Variants in MYO1B observed in about 807,000 individuals in gnomAD.
The protein encoded by MYO1B is unconventional myosin-Ib.
MYO1B carries 72 observed loss-of-function variants against 159.7 expected under a neutral mutation model. The ratio of observed to expected loss-of-function variants is 0.45; its 90% CI spans 0.37 to 0.55. The LOEUF is 0.55. Among genes scored for constraint, MYO1B ranks in the 20% least tolerant of loss-of-function variants. The probability of loss-of-function intolerance (pLI) is 0.00; values close to 1 mark genes in which losing one functional copy is unlikely to be tolerated. For missense variants in MYO1B, 1,062 were observed against 1,364.8 expected (o/e 0.78, Z 3.50); for synonymous variants, 468 against 473.8 (o/e 0.99, Z 0.16).
At chr2:191,350,969 A>C (rs1371934028) in intron 7 of MYO1B, among the ~76,000 whole-genome samples, 2 of 152,154 alleles carry the variant, frequency 1.3e-5, no homozygotes, top group African/African-American at 2.4e-5. Context: ...CCCACAGCAC[A>C]ACCCTGATGT....
chr2:191,418,482 ATTTTTTTTT>A (rs1159016855), intron 30 of MYO1B, among the ~76,000 whole-genome samples: 1 of 81,044 alleles, frequency 1.2e-5, no homozygotes, highest in Non-Finnish European at 2.2e-5. Context: ...TCTTTAGTGG[ATTTTTTTTT>A]TTTTTTTTTT....
In MYO1B at chr2:191,392,970, A is replaced by G. The variant is rs1438000836; in HGVS notation, c.2077-103A>G. ...TTTTTCAGTTCTTTTTTTCAATGTA[A>G]TTGACTCCAACATGATGGCATTTTG... On this transcript the variant is annotated intron_variant, in intron 19 of 30. Coordinates refer to ENST00000392318, the MANE Select transcript of MYO1B (RefSeq NM_001130158.3). 6.1e-6 allele frequency: 6 copies of G among 990,456 alleles called. No individual in the cohort carries two copies. The Middle Eastern group carries it at 7.1e-4, about 118-fold the overall frequency. 61.4% of individuals were successfully genotyped at this position (990,456 alleles called of 1,614,324 possible). A position where few individuals can be genotyped will look rare whatever the true frequency, so the allele number is the denominator to read the frequency against.
intron 1 of MYO1B, chr2:191,247,808 GCTGGTCT>G: frequency 3.0e-6 from 1 of 328,836 alleles, no homozygotes; most frequent in Non-Finnish European, 4.3e-6. Context: ...ATCCTAAGTG[GCTGGTCT>G]CTGGTCTCTG....
intron 1 of MYO1B, among the ~76,000 whole-genome samples, chr2:191,268,547 A>G (rs1421809726): frequency 2.0e-5 from 3 of 152,132 alleles, no homozygotes; most frequent in Admixed American, 6.5e-5. Flanking sequence ...ACACTGGTTT[A>G]AGTTGGGGGG....
At chr2:191,385,498 G>A (rs142243062) in intron 15 of MYO1B, among the ~76,000 whole-genome samples, 1 of 148,268 alleles carries the variant, frequency 6.7e-6, no homozygotes, top group African/African-American at 2.4e-5. Context: ...ACATGTTATA[G>A]AGGCTGTATT....
intron 2 of MYO1B, among the ~76,000 whole-genome samples, chr2:191,288,444 A>G (rs1688509310): frequency 6.6e-6 from 1 of 152,116 alleles, no homozygotes; most frequent in Non-Finnish European, 1.5e-5. Flanking sequence ...ATAACCCTGG[A>G]GCACTCATTA....
In MYO1B at chr2:191,370,016, T is replaced by C. The variant is rs16833640; in HGVS notation, c.1120-211T>C. Among the ~76,000 whole-genome samples the C allele has an allele frequency of 5.3e-3, 814 of 152,336 alleles. 5 individuals carry two copies. Among genetic ancestry groups the C allele is most frequent in the African/African-American group, 0.019 (786 of 41,578 alleles). On this transcript the variant is annotated intron_variant, in intron 12 of 30. Transcript: ENST00000392318. ...AGGTGATTTTGAAAGGCACCACTAA[T>C]GCCTTCTTTAAATATATCACCTATT...
chr2:191,386,038 C>G lies in MYO1B; in HGVS notation c.1508C>G (p.Thr503Arg). 1 of 1,614,126 alleles carries G rather than the reference C, an allele frequency of 6.2e-7. No individual in the cohort carries two copies. The highest frequency in any genetic ancestry group is 8.5e-7 in the Non-Finnish European group (1 of 1,180,006). Residue 503 changes from threonine to arginine, a missense_variant, in exon 16 of 31, where the codon ACG (threonine) becomes AGG (arginine). Coordinates refer to ENST00000392318, the MANE Select transcript of MYO1B (RefSeq NM_001130158.3). ...AAGTGCTCTCGGTTCCTCAATGACA[C>G]GTCTCTGCCTCACAGCTGCTTCAGG... is the stretch of plus-strand genomic sequence containing the variant. ...MSKCSRFLND[T>R]SLPHSCFRIQ... is the part of the protein sequence containing the mutation.
chr2:191,408,090 T>C (rs774610542), intron 24 of MYO1B, 25 bp from the exon 25 acceptor site: 1 of 1,557,922 alleles, frequency 6.4e-7, no homozygotes, highest in Non-Finnish European at 8.9e-7. Context: ...CATTAACCAC[T>C]GTAACCTACA....
chr2:191,380,003 CT>C (rs1694947271), intron 13 of MYO1B, among the ~76,000 whole-genome samples: 1 of 152,244 alleles, frequency 6.6e-6, no homozygotes, highest in South Asian at 2.1e-4. Context: ...AAATGTTTGC[CT>C]TTTAGTAAGA....
chr2:191,272,861 G>A (rs762615721), intron 1 of MYO1B, among the ~76,000 whole-genome samples: 1 of 152,150 alleles, frequency 6.6e-6, no homozygotes, highest in Non-Finnish European at 1.5e-5. Context: ...TCATGCCTGT[G>A]CCTTAGATCA....
At chr2:191,288,329 G>C (rs929085163) in intron 2 of MYO1B, among the ~76,000 whole-genome samples, 17 of 151,704 alleles carry the variant, frequency 1.1e-4, no homozygotes, top group Admixed American at 1.0e-3. Context: ...TCACTCTTTG[G>C]GGGGAACTTT....
chr2:191,384,881 C>T (rs1695309907), intron 15 of MYO1B, among the ~76,000 whole-genome samples: 1 of 152,144 alleles, frequency 6.6e-6, no homozygotes, highest in Non-Finnish European at 1.5e-5. Flanking sequence ...TGTTTCCTTC[C>T]AGCATCATTA....
chr2:191,247,528 T>C (rs1407183259), intron 1 of MYO1B, among the ~76,000 whole-genome samples: 1 of 152,222 alleles, frequency 6.6e-6, no homozygotes, highest in Non-Finnish European at 1.5e-5. Context: ...GCCATTATGA[T>C]GTGAAGTTGA....
intron 21 of MYO1B, 138 bp from the exon 22 acceptor site, chr2:191,400,244 C>T: frequency 2.2e-6 from 2 of 892,192 alleles, no homozygotes; most frequent in Non-Finnish European, 3.7e-6. Context: ...GGGCTAGTCA[C>T]CTTCGCCTTC....
intron 17 of MYO1B, chr2:191,387,701 C>T: frequency 2.0e-6 from 1 of 509,124 alleles, no homozygotes. Context: ...TGGTTGAGAC[C>T]TAGGGGTTTT....
Position 191,362,498 on chromosome 2 carries a change from G to A in MYO1B, c.765+127G>A, listed in dbSNP as rs1693735299. 6 of 589,444 alleles carry A rather than the reference G, an allele frequency of 1.0e-5. No homozygotes were observed. In the South Asian group the frequency reaches 1.2e-4, roughly 12 times the overall value. 36.5% of individuals were successfully genotyped at this position (589,444 alleles called of 1,614,324 possible). On this transcript the variant is annotated intron_variant, in intron 9 of 30. Transcript: ENST00000392318. Reference sequence around the variant, plus strand: ...TCCCTAAGGTTTTAGAATTATACAAGAATTCTATTTTTGTTACTTTGATTT... The same window carrying A: ...TCCCTAAGGTTTTAGAATTATACAAAAATTCTATTTTTGTTACTTTGATTT...
In MYO1B at chr2:191,325,974, G is replaced by T. The variant is rs149391435; in HGVS notation, c.252-3961G>T. Among the ~76,000 whole-genome samples, 352 of 152,290 alleles carry T rather than the reference G, an allele frequency of 2.3e-3. 3 individuals carry two copies. Among genetic ancestry groups the T allele is most frequent in the East Asian group, 0.018 (95 of 5,178 alleles). On this transcript the variant is annotated intron_variant, in intron 3 of 30. Coordinates refer to ENST00000392318, the MANE Select transcript of MYO1B (RefSeq NM_001130158.3). ...GTGTAGCTGATCTGGAAATGAAGGG[G>T]AGATGGCCTTTAAACATCGGGCTGA...
At chr2:191,387,807 T>C (rs1483618237) in intron 17 of MYO1B, 1 of 312,580 alleles carries the variant, frequency 3.2e-6, no homozygotes, top group South Asian at 3.4e-5. Flanking sequence ...AAAACTCTTG[T>C]TGGCTTCATT....
Sources: allele counts gnomAD v4.1 joint callset (sites outside exome capture counted in the v4.1 genomes callset), GRCh38; gene constraint gnomAD v4.1.1; transcripts MANE v1.5; gene names NCBI Gene and HGNC (gene_info 2026-07-23, HGNC 2026-07-21).